The following ZMYM2 variants were observed in gnomAD, a reference collection of about 807,000 sequenced individuals.
ZMYM2 encodes the protein zinc finger MYM-type containing 2.
ZMYM2 carries 56 observed loss-of-function variants against 162.8 expected under a neutral mutation model. That is an observed-to-expected ratio of 0.34 (90% CI 0.28 to 0.43). The LOEUF (loss-of-function observed/expected upper bound fraction) is 0.43, where lower values mean the gene tolerates loss of function less well. ZMYM2 is among the 20% of genes least tolerant of loss of function. The probability of loss-of-function intolerance (pLI) is 1.00; values close to 1 mark genes in which losing one functional copy is unlikely to be tolerated. For synonymous variants in ZMYM2, 510 were observed against 541.6 expected (o/e 0.94, Z 0.81); for missense variants, 1,275 against 1,621.8 (o/e 0.79, Z 3.67).
intron 11 of ZMYM2, among the ~76,000 whole-genome samples, chr13:20,035,957 C>G (rs748637125): frequency 8.6e-5 from 13 of 151,952 alleles, no homozygotes; most frequent in Non-Finnish European, 1.8e-4. Context: ...TTATAGAAAA[C>G]AATTGCAGTT....
Position 20,086,802 on chromosome 13 carries a change from T to TA in ZMYM2, c.*788_*789insA. ...ATATATATATATATATATATATAAATGATTGTAAGTTGAAAACAAGATCAT... is the reference window on the plus strand; with the variant it reads ...ATATATATATATATATATATATAAATAGATTGTAAGTTGAAAACAAGATCAT... On this transcript the variant is annotated 3_prime_UTR_variant, in exon 25 of 25. Coordinates refer to ENST00000610343, the MANE Select transcript of ZMYM2 (RefSeq NM_197968.4). The TA allele has an allele frequency of 6.8e-6, 1 of 147,640 alleles. No homozygotes were observed. Among genetic ancestry groups the TA allele is most frequent in the Non-Finnish European group, 1.5e-5 (1 of 68,214 alleles). 9.1% of individuals were successfully genotyped at this position (147,640 alleles called of 1,614,324 possible). A position where few individuals can be genotyped will look rare whatever the true frequency, so the allele number is the denominator to read the frequency against.
the ZMYM2 span, among the ~76,000 whole-genome samples, chr13:19,922,541 T>C: frequency 6.6e-6 from 1 of 152,054 alleles, no homozygotes; most frequent in African/African-American, 2.4e-5. Context: ...ATTTTTTTTC[T>C]CCATATGAAA....
chr13:20,087,139 T>G lies in ZMYM2; in HGVS notation c.*1125T>G, dbSNP rs1238942672. The stretch of plus-strand genomic sequence containing the variant: ...CACATTTTATAATGAAGATTACCAG[T>G]GTAGTAATTCTGATATTGCAAATGA... On this transcript the variant is annotated 3_prime_UTR_variant, in exon 25 of 25. Coordinates refer to ENST00000610343, the MANE Select transcript of ZMYM2 (RefSeq NM_197968.4). The G allele has an allele frequency of 2.1e-5, 4 of 186,948 alleles. No individual in the cohort carries two copies. Among genetic ancestry groups the G allele is most frequent in the Non-Finnish European group, 3.4e-5 (3 of 88,572 alleles). 11.6% of individuals were successfully genotyped at this position (186,948 alleles called of 1,614,324 possible). A position where few individuals can be genotyped will look rare whatever the true frequency, so the allele number is the denominator to read the frequency against.
At chr13:19,919,653 G>A in the ZMYM2 span, among the ~76,000 whole-genome samples, 1 of 149,628 alleles carries the variant, frequency 6.7e-6, no homozygotes, top group African/African-American at 2.5e-5. Context: ...TTGGTGAAAT[G>A]TCTCTTTATA....
intron 2 of ZMYM2, among the ~76,000 whole-genome samples, chr13:19,976,416 T>G (rs934179077): frequency 6.6e-6 from 1 of 152,126 alleles, no homozygotes; most frequent in African/African-American, 2.4e-5. Context: ...TATTTTAAAT[T>G]GTAAAAAAAC....
chr13:20,028,919 A>G (rs1952822017), intron 9 of ZMYM2, among the ~76,000 whole-genome samples: 2 of 152,098 alleles, frequency 1.3e-5, no homozygotes, highest in Admixed American at 1.3e-4. Context: ...AGATAGGCCT[A>G]CAGGCAGCTT....
At chr13:19,881,855 G>A in the ZMYM2 span, among the ~76,000 whole-genome samples, 1 of 151,596 alleles carries the variant, frequency 6.6e-6, no homozygotes, top group Non-Finnish European at 1.5e-5. Flanking sequence ...GTGGTTGCAC[G>A]CCTGTAATCC....
intron 2 of ZMYM2, among the ~76,000 whole-genome samples, chr13:19,969,809 T>C (rs1956147662): frequency 7.0e-6 from 1 of 143,498 alleles, no homozygotes; most frequent in African/African-American, 2.6e-5. Flanking sequence ...TTCCTTTGAC[T>C]TTTTTTTTTT....
chr13:19,893,697 A>T, the ZMYM2 span, among the ~76,000 whole-genome samples: 1 of 151,870 alleles, frequency 6.6e-6, no homozygotes, highest in African/African-American at 2.4e-5. Context: ...TCAAGATGAC[A>T]CGACTGCAGT....
At chr13:19,925,109 C>T in the ZMYM2 span, among the ~76,000 whole-genome samples, 1 of 152,116 alleles carries the variant, frequency 6.6e-6, no homozygotes, top group Admixed American at 6.6e-5. Context: ...GTCTCAAACT[C>T]CCAACCTCAG....
At chr13:20,003,955 T>A (rs997808769) in intron 4 of ZMYM2, among the ~76,000 whole-genome samples, 14 of 152,148 alleles carry the variant, frequency 9.2e-5, no homozygotes, top group African/African-American at 3.4e-4. Context: ...AGCCCTCTTC[T>A]GCTGTTTTTT....
chr13:19,909,028 T>A, the ZMYM2 span, among the ~76,000 whole-genome samples: 3 of 152,230 alleles, frequency 2.0e-5, no homozygotes, highest in African/African-American at 7.2e-5. Flanking sequence ...GACAGCAGTA[T>A]CTGATGTAAA....
chr13:20,008,638 G>C (rs2140009654), intron 6 of ZMYM2, among the ~76,000 whole-genome samples: 1 of 152,320 alleles, frequency 6.6e-6, no homozygotes, highest in South Asian at 2.1e-4. Context: ...AACTATGCCA[G>C]ATAATTATTT....
At chr13:20,054,669 G>A (rs1175163748) in intron 14 of ZMYM2, among the ~76,000 whole-genome samples, 1 of 152,140 alleles carries the variant, frequency 6.6e-6, no homozygotes, top group Admixed American at 6.5e-5. Context: ...AACAAGTTTG[G>A]TTCAAGTGTA....
intron 4 of ZMYM2, among the ~76,000 whole-genome samples, chr13:20,003,840 G>A (rs1257869258): frequency 6.6e-6 from 1 of 151,850 alleles, no homozygotes; most frequent in Admixed American, 6.6e-5. Context: ...GTACAGATGA[G>A]GTTTCAGCAT....
At chr13:19,954,970 C>T (rs902346520), upstream of ZMYM2, among the ~76,000 whole-genome samples, 6 of 151,778 alleles carry the variant, frequency 4.0e-5, no homozygotes, top group African/African-American at 7.3e-5. Flanking sequence ...ACCACGCTGC[C>T]CGGCTAGTTT....
intron 2 of ZMYM2, among the ~76,000 whole-genome samples, chr13:19,986,801 C>T (rs958926812): frequency 3.3e-5 from 5 of 151,696 alleles, no homozygotes; most frequent in African/African-American, 7.3e-5. Flanking sequence ...ATCAATTGCA[C>T]AGATTAAAAA....
chr13:19,885,884 T>TATATATGTATATACAC, the ZMYM2 span, among the ~76,000 whole-genome samples: 1 of 41,366 alleles, frequency 2.4e-5, no homozygotes, highest in Non-Finnish European at 5.6e-5. Context: ...TATATACACA[T>TATATATGTATATACAC]ATATATGTGT....
intron 2 of ZMYM2, 77 bp from the exon 3 acceptor site, chr13:19,992,986 T>G: frequency 6.9e-7 from 1 of 1,456,438 alleles, no homozygotes; most frequent in Non-Finnish European, 9.1e-7. Flanking sequence ...AAAGTACCCT[T>G]TAAATCAATG....
Sources: allele counts gnomAD v4.1 joint callset (sites outside exome capture counted in the v4.1 genomes callset), GRCh38; gene constraint gnomAD v4.1.1; transcripts MANE v1.5; gene names NCBI Gene and HGNC (gene_info 2026-07-23, HGNC 2026-07-21).